Variants in HBS1L observed in about 807,000 individuals in gnomAD.
HBS1L encodes the protein HBS1 like translational GTPase.
In HBS1L, 55 loss-of-function variants were observed where a neutral mutation model predicts 88.9. That is an observed-to-expected ratio of 0.62 (90% CI 0.50 to 0.77). The LOEUF is 0.77. Among genes scored for constraint, HBS1L ranks in the 30% least tolerant of loss-of-function variants. The pLI, the probability that HBS1L is intolerant of heterozygous loss-of-function variation, is 0.00. For synonymous variants in HBS1L, 267 were observed against 288.5 expected (o/e 0.93, Z 0.76); for missense variants, 741 against 829.3 (o/e 0.89, Z 1.31).
At chr6:135,023,144 G>A (rs1378046774) in intron 4 of HBS1L, among the ~76,000 whole-genome samples, 2 of 151,378 alleles carry the variant, frequency 1.3e-5, no homozygotes, top group African/African-American at 2.4e-5. Context: ...GGAACAACCT[G>A]CCATTAAGAA....
chr6:135,002,584 C>T (rs1409966874), intron 5 of HBS1L, 150 bp downstream of exon 5: 2 of 507,908 alleles, frequency 3.9e-6, no homozygotes, highest in African/African-American at 1.9e-5. Flanking sequence ...CATTTTGTCT[C>T]TTTGTACTAT....
chr6:134,975,890 G>A (rs568555299), intron 15 of HBS1L, among the ~76,000 whole-genome samples: 9 of 151,896 alleles, frequency 5.9e-5, no homozygotes, highest in African/African-American at 9.7e-5. Context: ...CAGATTCAAC[G>A]GAAATAAAAA....
At chr6:135,031,836 CTTT>C (rs1240386300) in intron 4 of HBS1L, among the ~76,000 whole-genome samples, 4 of 142,394 alleles carry the variant, frequency 2.8e-5, no homozygotes, top group African/African-American at 2.6e-5. Flanking sequence ...TTTGTTTTTT[CTTT>C]TTTTTTTTTT....
At chr6:135,002,918 A>C (rs201210305) in intron 4 of HBS1L, 76 bp from the exon 5 acceptor site, 1 of 197,338 alleles carries the variant, frequency 5.1e-6, no homozygotes, top group Non-Finnish European at 8.2e-6. Flanking sequence ...TAGTATTTTA[A>C]ATTATAGATT....
chr6:134,991,136 A>G (rs1487390847), intron 8 of HBS1L, among the ~76,000 whole-genome samples: 1 of 151,770 alleles, frequency 6.6e-6, no homozygotes, highest in Non-Finnish European at 1.5e-5. Flanking sequence ...GGTAAATGCA[A>G]TGAGAAGTAC....
At position 134,979,198 on chromosome 6, in the gene HBS1L, C is replaced by T. The variant is rs745514026; in HGVS notation, c.1668G>A (p.Gly556=). ...CTCACTTGATTTTGATGATATCCAT[C>T]CCAACCAAAGTAAGACTAACATGAT... is the stretch of plus-strand genomic sequence containing the variant. ...AGDHVSLTLV[G]MDIIKINVGC... The change falls in exon 14 of 18, where the codon GGG becomes GGA. Residue 556 remains glycine (G), a synonymous_variant. Coordinates refer to ENST00000367837, the MANE Select transcript of HBS1L (RefSeq NM_006620.4). 1.4e-5 allele frequency: 22 copies of T among 1,611,544 alleles called. No individual in the cohort carries two copies. In the Admixed American group the frequency reaches 3.5e-4, roughly 26 times the overall value.
chr6:134,982,315 C>A, intron 13 of HBS1L, 143 bp downstream of exon 13: 1 of 593,874 alleles, frequency 1.7e-6, no homozygotes, highest in Non-Finnish European at 3.0e-6. Flanking sequence ...ACATTTTAAT[C>A]TTCAACAGTC....
intron 13 of HBS1L, 82 bp downstream of exon 13, chr6:134,982,376 G>T: frequency 1.3e-6 from 1 of 763,556 alleles, no homozygotes; most frequent in Non-Finnish European, 2.4e-6. Context: ...TACTTACTTT[G>T]GAGTTGTAAC....
intron 4 of HBS1L, among the ~76,000 whole-genome samples, chr6:135,017,405 C>A (rs1475454700): frequency 6.6e-6 from 1 of 152,066 alleles, no homozygotes; most frequent in Non-Finnish European, 1.5e-5. Context: ...AAATCCTCAA[C>A]TGAATGTAAG....
chr6:135,037,327 G>T, intron 4 of HBS1L: 3 of 1,551,966 alleles, frequency 1.9e-6, no homozygotes, highest in Non-Finnish European at 2.6e-6. Flanking sequence ...AAACAGTTCA[G>T]TTAGGGATGG....
Position 134,993,956 on chromosome 6 carries a change from C to T in HBS1L, c.966-81G>A, listed in dbSNP as rs1449472845. 9.5e-6 allele frequency: 5 copies of T among 526,012 alleles called. No individual in the cohort carries two copies. The African/African-American group carries it at 9.7e-5, about 10-fold the overall frequency. 32.6% of individuals were successfully genotyped at this position (526,012 alleles called of 1,614,324 possible). On this transcript the variant is annotated intron_variant, in intron 7 of 17. Transcript: ENST00000367837. ...AATTAATAATAGTCTACATGACCAT[C>T]TACATTCTTAGGTAAAAATGGAAAT... is the stretch of plus-strand genomic sequence containing the variant.
intron 15 of HBS1L, among the ~76,000 whole-genome samples, chr6:134,973,996 C>A (rs943180697): frequency 6.6e-6 from 1 of 151,940 alleles, no homozygotes; most frequent in Admixed American, 6.6e-5. Flanking sequence ...CTAATCCATT[C>A]TTCTATTATT....
At chr6:135,013,490 C>A in intron 4 of HBS1L, among the ~76,000 whole-genome samples, 1 of 152,196 alleles carries the variant, frequency 6.6e-6, no homozygotes, top group Admixed American at 6.5e-5. Flanking sequence ...TCATTTAGAA[C>A]CATGTCTAAT....
chr6:134,966,160 A>G (rs1022095479), intron 17 of HBS1L, among the ~76,000 whole-genome samples, 169 bp downstream of exon 17: 3 of 152,152 alleles, frequency 2.0e-5, no homozygotes, highest in Admixed American at 6.5e-5. Flanking sequence ...CAATCTTCCA[A>G]ATATAACCCT....
intron 4 of HBS1L, chr6:135,036,393 T>TA: frequency 7.6e-7 from 1 of 1,309,546 alleles, no homozygotes. Context: ...AAAGAAGACA[T>TA]AGTTAAAAAA....
intron 13 of HBS1L, among the ~76,000 whole-genome samples, chr6:134,980,998 T>C (rs1014851439): frequency 2.6e-5 from 4 of 151,898 alleles, no homozygotes; most frequent in Admixed American, 2.0e-4. Flanking sequence ...CTGGGGCTTC[T>C]GATAAGACTT....
At chr6:134,984,597 C>T (rs1774926802) in intron 12 of HBS1L, among the ~76,000 whole-genome samples, 1 of 152,166 alleles carries the variant, frequency 6.6e-6, no homozygotes, top group African/African-American at 2.4e-5. Flanking sequence ...GGACAAATGA[C>T]ATCCTTACAG....
At position 134,969,271 on chromosome 6, in the gene HBS1L, T is replaced by C; in HGVS notation, c.1865A>G (p.Lys622Arg). 2 of 1,613,750 alleles carry C rather than the reference T, an allele frequency of 1.2e-6. No homozygotes were observed. The highest frequency in any genetic ancestry group is 1.3e-5 in the African/African-American group (1 of 75,050). Residue 622 changes from lysine (K) to arginine (R), a missense_variant, in exon 16 of 18, where the codon AAA (lysine) becomes AGA (arginine). By Grantham distance (26) the Lys-to-Arg change is conservative (BLOSUM62 2). Around this residue, in one of 3 missense-constraint regions of HBS1L, gnomAD observed 181 missense variants for 212.7 expected, o/e 0.85. Transcript: ENST00000367837. The part of the protein sequence containing the change: ...VIKRLISVLN[K>R]STGEVTKKKP... The stretch of plus-strand genomic sequence containing the variant: ...TTTCTTTGTGACTTCACCCGTGCTT[T>C]TGTTTAAGACACTAATCAATCGTTT...
At chr6:135,011,766 C>T (rs1376947714) in intron 4 of HBS1L, among the ~76,000 whole-genome samples, 1 of 151,880 alleles carries the variant, frequency 6.6e-6, no homozygotes, top group African/African-American at 2.4e-5. Flanking sequence ...ATTAGCCAGA[C>T]GTGGTGGCAC....
Sources: allele counts gnomAD v4.1 joint callset (sites outside exome capture counted in the v4.1 genomes callset), GRCh38; gene constraint gnomAD v4.1.1; regional missense constraint gnomAD v4.1.1; transcripts MANE v1.5; gene names NCBI Gene and HGNC (gene_info 2026-07-23, HGNC 2026-07-21).